TFPI2: variants seen among roughly 807,000 people sequenced by gnomAD.
The protein encoded by TFPI2 is tissue factor pathway inhibitor 2, also known as placental protein 5.
Under a neutral mutation model 23.1 loss-of-function variants are expected in TFPI2, and 23 were observed. The ratio of observed to expected loss-of-function variants is 1.00; its 90% CI spans 0.72 to 1.41. The LOEUF (loss-of-function observed/expected upper bound fraction) is 1.41. Ranked by LOEUF, TFPI2 falls within the 40% of genes most tolerant of loss-of-function variation. The pLI, the probability that TFPI2 is intolerant of heterozygous loss-of-function variation, is 0.00. For missense variants in TFPI2, 291 were observed against 299.6 expected (o/e 0.97, Z 0.21); for synonymous variants, 119 against 111.7 (o/e 1.07, Z -0.41).
In TFPI2 at chr7:93,890,286, T is replaced by G. The variant is rs1395922349; in HGVS notation, c.122A>C (p.Asp41Ala). The change falls in exon 2 of 5, where the codon GAC becomes GCC. Residue 41 changes from aspartate (D) to alanine (A), a missense_variant. Coordinates refer to ENST00000222543, the MANE Select transcript of TFPI2 (RefSeq NM_006528.4). ...AAGTAGGGCCCGGCAGGGTCCGTAGTCTAGGGGCAGGAGACAGATCTCCGC... is the reference window on the plus strand; with the variant it reads ...AAGTAGGGCCCGGCAGGGTCCGTAGGCTAGGGGCAGGAGACAGATCTCCGC... ...NNAEICLLPL[D>A]YGPCRALLLR... is the part of the protein sequence containing the mutation. 1.2e-6 allele frequency: 2 copies of G among 1,612,498 alleles called. No homozygotes were observed. The highest frequency in any genetic ancestry group is 2.2e-5 in the South Asian group (2 of 90,962).
In TFPI2 at chr7:93,890,228, G is replaced by A. The variant is rs1482833198; in HGVS notation, c.180C>T (p.Ser60=). The change falls in exon 2 of 5, where the codon AGC becomes AGT. Residue 60 remains serine, a synonymous_variant. Transcript: ENST00000222543. The part of the protein sequence containing the change: ...LRYYYDRYTQ[S]CRQFLYGGCE... ...AGCCCCCGTACAGGAACTGGCGGCAGCTCTGCGTGTACCTGTCGTAGTAGT... is the reference window on the plus strand; with the variant it reads ...AGCCCCCGTACAGGAACTGGCGGCAACTCTGCGTGTACCTGTCGTAGTAGT... 4 of 1,613,962 alleles carry A rather than the reference G, an allele frequency of 2.5e-6. No homozygotes were observed. Among genetic ancestry groups the A allele is most frequent in the Non-Finnish European group, 3.4e-6 (4 of 1,179,930 alleles).
Position 93,886,709 on chromosome 7 carries a change from G to A in TFPI2, c.*111C>T. On this transcript the variant is annotated 3_prime_UTR_variant, in exon 5 of 5. Coordinates refer to ENST00000222543, the MANE Select transcript of TFPI2 (RefSeq NM_006528.4). The stretch of plus-strand genomic sequence containing the variant: ...AAAGTGACTTGTATTAATAAAAACT[G>A]GTGAATAAATCACCAATGATTTGTT... 1.3e-6 allele frequency: 1 copy of A among 774,216 alleles called. No homozygotes were observed. Among genetic ancestry groups the A allele is most frequent in the Non-Finnish European group, 2.0e-6 (1 of 498,466 alleles). 48.0% of individuals were successfully genotyped at this position (774,216 alleles called of 1,614,324 possible). A position where few individuals can be genotyped will look rare whatever the true frequency, so the allele number is the denominator to read the frequency against.
chr7:93,889,466 G>C (rs1794082553), intron 2 of TFPI2, among the ~76,000 whole-genome samples: 2 of 152,042 alleles, frequency 1.3e-5, no homozygotes, highest in South Asian at 4.2e-4. Context: ...TTTTCTCTGG[G>C]TGTTCTCTGA....
intron 3 of TFPI2, among the ~76,000 whole-genome samples, chr7:93,888,595 G>GAAAA (rs1469600301): frequency 9.1e-6 from 1 of 110,334 alleles, no homozygotes; most frequent in African/African-American, 4.1e-5. Flanking sequence ...GAAAGAGAAA[G>GAAAA]AAAGAAAGAA....
Position 93,886,565 on chromosome 7 carries a change from T to C in TFPI2, c.*255A>G, listed in dbSNP as rs113961101. 278 of 336,662 alleles carry C rather than the reference T, an allele frequency of 8.3e-4. No homozygotes were observed. Among genetic ancestry groups the C allele is most frequent in the African/African-American group, 5.4e-3 (249 of 46,244 alleles). The allele number at this position is 336,662 out of a possible 1,614,324, so 20.9% of individuals were successfully genotyped here. On this transcript the variant is annotated 3_prime_UTR_variant, in exon 5 of 5. Coordinates refer to ENST00000222543, the MANE Select transcript of TFPI2 (RefSeq NM_006528.4). ...CAAGAAATGAGTGAGTCATATTTGC[T>C]TTTATATCTTATGCATTGCAAGAAT...
Position 93,890,601 on chromosome 7 carries a change from C to T in TFPI2, c.78G>A (p.Gln26=). 2.5e-6 allele frequency: 4 copies of T among 1,613,452 alleles called. No individual in the cohort carries two copies. Among genetic ancestry groups the T allele is most frequent in the Non-Finnish European group, 3.4e-6 (4 of 1,179,832 alleles). The change falls in exon 1 of 5, where the codon CAG becomes CAA. Residue 26 remains glutamine, a synonymous_variant. Transcript: ENST00000222543. ...LTEAALGDAA[Q]EPTGNNAEIC... ...GGAGCGGCCAGATACCTGTTGGCTC[C>T]TGAGCAGCATCGCCCAGTGCAGCCT...
At position 93,888,584 on chromosome 7, in the gene TFPI2, G is replaced by GGA. The variant is rs1491340609; in HGVS notation, c.460+449_460+450dup. On this transcript the variant is annotated intron_variant, in intron 3 of 4. Coordinates refer to ENST00000222543, the MANE Select transcript of TFPI2 (RefSeq NM_006528.4). Reference sequence around the variant, plus strand: ...AGGAAGGAAGGAAGGAAGGAAGGAAGGAAAGAGAAAGAAAGAAAGAAAGAG... The same window carrying GGA: ...AGGAAGGAAGGAAGGAAGGAAGGAAGGAGAAAGAGAAAGAAAGAAAGAAAGAG... 2.5e-5 allele frequency among the ~76,000 whole-genome samples: 2 copies of GGA among 81,394 alleles called. 1 individual carries two copies. The highest frequency in any genetic ancestry group is 1.9e-4 in the African/African-American group (2 of 10,696). The allele number at this position is 81,394 out of a possible 152,430, so 53.4% of individuals were successfully genotyped here.
chr7:93,887,326 G>A lies in TFPI2; in HGVS notation c.566C>T (p.Thr189Ile). The A allele has an allele frequency of 6.2e-7, 1 of 1,613,848 alleles. No homozygotes were observed. Among genetic ancestry groups the A allele is most frequent in the Non-Finnish European group, 8.5e-7 (1 of 1,179,822 alleles). ...RYRTCDAFTY[T>I]GCGGNDNNFV... ...GTTATTGTCATTCCCTCCACAGCCA[G>A]TATAGGTGAAAGCATCACAGGTTCT... Residue 189 changes from threonine (T) to isoleucine (I), a missense_variant, in exon 4 of 5, where the codon ACT becomes ATT. Transcript: ENST00000222543.
Position 93,888,398 on chromosome 7 carries a change from C to A in TFPI2, c.460+637G>T, listed in dbSNP as rs557718254. Among the ~76,000 whole-genome samples, 4 of 151,870 alleles carry A rather than the reference C, an allele frequency of 2.6e-5. No homozygotes were observed. The East Asian group carries it at 7.7e-4, about 29-fold the overall frequency. The stretch of plus-strand genomic sequence containing the variant: ...TCAGGGCTGGGCGTGGTGGCTTACA[C>A]CTGTAATCCCAGCATTTTGGGAGGC... On this transcript the variant is annotated intron_variant, in intron 3 of 4. Transcript: ENST00000222543.
At chr7:93,887,836 A>G (rs977591284) in intron 3 of TFPI2, among the ~76,000 whole-genome samples, 1 of 152,220 alleles carries the variant, frequency 6.6e-6, no homozygotes, top group Non-Finnish European at 1.5e-5. Context: ...TCAATAATAT[A>G]TGCATACTAA....
chr7:93,886,637 C>T lies in TFPI2; in HGVS notation c.*183G>A, dbSNP rs972533073. On this transcript the variant is annotated 3_prime_UTR_variant, in exon 5 of 5. Coordinates refer to ENST00000222543, the MANE Select transcript of TFPI2 (RefSeq NM_006528.4). ...CCATAAATTAAAAATGGTAGACTCA[C>T]ATTTGAATAGCAGCTAGTTATATAT... 6.4e-6 allele frequency: 3 copies of T among 471,754 alleles called. No individual in the cohort carries two copies. Among genetic ancestry groups the T allele is most frequent in the Non-Finnish European group, 1.1e-5 (3 of 272,664 alleles). 29.2% of individuals were successfully genotyped at this position (471,754 alleles called of 1,614,324 possible).
chr7:93,888,435 G>C (rs1344902272), intron 3 of TFPI2, among the ~76,000 whole-genome samples: 3 of 151,536 alleles, frequency 2.0e-5, no homozygotes, highest in Non-Finnish European at 4.4e-5. Context: ...GAGGTGGGCA[G>C]ATCATGAGGT....
chr7:93,889,524 TC>T (rs1432790080), intron 2 of TFPI2, among the ~76,000 whole-genome samples: 1 of 152,168 alleles, frequency 6.6e-6, no homozygotes, highest in Non-Finnish European at 1.5e-5. Context: ...ATACGCATTT[TC>T]CCCTGGCTCA....
rs1408823917 is a variant in TFPI2 at position 93,886,105 on chromosome 7, C to A, written c.*715G>T. On this transcript the variant is annotated 3_prime_UTR_variant, in exon 5 of 5. Coordinates refer to ENST00000222543, the MANE Select transcript of TFPI2 (RefSeq NM_006528.4). ...TTTTATAAGTTTAGTGGTCTCCAAC[C>A]CACAATGTCTTAGGAAATAATTTAA... 6.6e-6 allele frequency: 1 copy of A among 151,832 alleles called. No individual in the cohort carries two copies. The highest frequency in any genetic ancestry group is 2.4e-5 in the African/African-American group (1 of 41,362). The allele number at this position is 151,832 out of a possible 1,614,324, so 9.4% of individuals were successfully genotyped here.
chr7:93,890,704 G>A lies in TFPI2; in HGVS notation c.-26C>T, dbSNP rs1329481236. ...GGTGCAGGGGGTCGGGCGGCCCGCT[G>A]GGCAAGGCGTCCGAGAAAGCGCCTG... On this transcript the variant is annotated 5_prime_UTR_variant, in exon 1 of 5. Transcript: ENST00000222543. 8 of 1,594,540 alleles carry A rather than the reference G, an allele frequency of 5.0e-6. No individual in the cohort carries two copies. The highest frequency in any genetic ancestry group is 6.8e-6 in the Non-Finnish European group (8 of 1,171,070).
Position 93,890,474 on chromosome 7 carries a change from G to C in TFPI2, c.88+117C>G, listed in dbSNP as rs970536491. On this transcript the variant is annotated intron_variant, in intron 1 of 4. Transcript: ENST00000222543. ...TGGGAGCGAGTCCCCCCTGCCAGCG[G>C]AGCGCGCGGCAGGGACCTGGAGAAA... The C allele has an allele frequency of 2.8e-6, 4 of 1,428,046 alleles. No individual in the cohort carries two copies. In the African/African-American group the frequency reaches 5.8e-5, roughly 21 times the overall value. 88.5% of individuals were successfully genotyped at this position (1,428,046 alleles called of 1,614,324 possible). A position where few individuals can be genotyped will look rare whatever the true frequency, so the allele number is the denominator to read the frequency against.
In TFPI2 at chr7:93,888,589, G is replaced by GGAAGGAAGGAAGGAAGGAAAGAGAA. The variant is rs138314368; in HGVS notation, c.460+445_460+446insTTCTCTTTCCTTCCTTCCTTCCTTC. Among the ~76,000 whole-genome samples the GGAAGGAAGGAAGGAAGGAAAGAGAA allele has an allele frequency of 2.1e-3, 220 of 103,280 alleles. 2 individuals carry two copies. Among genetic ancestry groups the GGAAGGAAGGAAGGAAGGAAAGAGAA allele is most frequent in the African/African-American group, 8.9e-3 (185 of 20,854 alleles). 67.8% of individuals were successfully genotyped at this position (103,280 alleles called of 152,430 possible). On this transcript the variant is annotated intron_variant, in intron 3 of 4. Transcript: ENST00000222543. ...GGAAGGAAGGAAGGAAGGAAGGAAA[G>GGAAGGAAGGAAGGAAGGAAAGAGAA]AGAAAGAAAGAAAGAAAGAGAAAAA...
In TFPI2 at chr7:93,889,149, T is replaced by G. The variant is rs1328865840; in HGVS notation, c.346A>C (p.Asn116His). The G allele has an allele frequency of 1.2e-6, 2 of 1,613,524 alleles. No homozygotes were observed. The highest frequency in any genetic ancestry group is 1.7e-6 in the Non-Finnish European group (2 of 1,179,822). Residue 116 changes from asparagine to histidine, a missense_variant, in exon 3 of 5, where the codon AAT becomes CAT. Physicochemically the swap from Asn to His is moderately conservative, Grantham distance 68 (BLOSUM62 1). Transcript: ENST00000222543. Reference protein sequence around the residue: ...CEGSTEKYFFNLSSMTCEKFF... With the variant: ...CEGSTEKYFFHLSSMTCEKFF... ...TTTTCACATGTCATGGAACTTAGAT[T>G]AAAGAAATACTTTTCTGTGGACCCC...
At chr7:93,887,172 A>G in intron 4 of TFPI2, 89 bp downstream of exon 4, 1 of 1,278,434 alleles carries the variant, frequency 7.8e-7, no homozygotes. Flanking sequence ...GCAATTTGCT[A>G]TTAGTAAAAT....
Sources: allele counts gnomAD v4.1 joint callset (sites outside exome capture counted in the v4.1 genomes callset), GRCh38; gene constraint gnomAD v4.1.1; transcripts MANE v1.5; gene names NCBI Gene and HGNC (gene_info 2026-07-23, HGNC 2026-07-21).